The following ANXA13 variants were observed in gnomAD, a reference collection of about 807,000 sequenced individuals.
ANXA13 encodes annexin A13.
A neutral mutation model predicts 46.6 loss-of-function variants in ANXA13; 36 were observed. The observed-to-expected ratio is 0.77, with a 90% confidence interval of 0.59 to 1.02. The LOEUF is 1.02. Among genes scored for constraint, ANXA13 ranks in the 50% least tolerant of loss-of-function variants. The pLI is 0.00. For synonymous variants in ANXA13, 163 were observed against 152.9 expected, an observed-to-expected ratio of 1.07 and a Z score of -0.49; for missense variants, 417 against 396.5, an observed-to-expected ratio of 1.05 and a Z score of -0.44.
intron 10 of ANXA13, among the ~76,000 whole-genome samples, chr8:123,682,952 C>T (rs548066871): frequency 1.3e-5 from 2 of 152,298 alleles, no homozygotes; most frequent in South Asian, 4.1e-4. Flanking sequence ...ACAAGCCCTT[C>T]GGATGGATCC....
chr8:123,699,430 C>A (rs940524218), intron 3 of ANXA13, among the ~76,000 whole-genome samples: 4 of 152,240 alleles, frequency 2.6e-5, no homozygotes, highest in Non-Finnish European at 5.9e-5. Flanking sequence ...CGATCCTCCA[C>A]CTCAGCCTCT....
chr8:123,700,901 A>T (rs2129865107), intron 3 of ANXA13, among the ~76,000 whole-genome samples: 1 of 151,582 alleles, frequency 6.6e-6, no homozygotes, highest in African/African-American at 2.4e-5. Flanking sequence ...CGGCTCACTG[A>T]GGCCTCAACT....
In ANXA13 at chr8:123,690,884, T is replaced by C. The variant is rs1186735360; in HGVS notation, c.643-1938A>G. Among the ~76,000 whole-genome samples the C allele has an allele frequency of 1.3e-5, 2 of 152,108 alleles. No homozygotes were observed. Among genetic ancestry groups the C allele is most frequent in the East Asian group, 1.9e-4 (1 of 5,188 alleles). On this transcript the variant is annotated intron_variant, in intron 8 of 10. Transcript: ENST00000419625. This position sits in a 1 kb window ranked among gnomAD's most constrained non-coding sequence, Gnocchi z 4.6. The stretch of plus-strand genomic sequence containing the variant: ...AGCCTCTGGCGTGGAATAAGGAACA[T>C]GTACAGGGGAGGGGCAAAGGGTGAG...
At chr8:123,723,235 C>T (rs151246320) in intron 1 of ANXA13, among the ~76,000 whole-genome samples, 2,132 of 152,322 alleles carry the variant, frequency 0.014, 27 homozygotes, top group South Asian at 0.034. Context: ...CCTGCAACTT[C>T]CTGAGTCCTC....
Position 123,698,435 on chromosome 8 carries a change from G to C in ANXA13, c.311C>G (p.Thr104Arg). 6.2e-7 allele frequency: 1 copy of C among 1,614,214 alleles called. No homozygotes were observed. The highest frequency in any genetic ancestry group is 8.5e-7 in the Non-Finnish European group (1 of 1,180,026). Residue 104 changes from threonine (T) to arginine (R), a missense_variant, in exon 4 of 11, where the codon ACA (threonine) becomes AGA (arginine). Transcript: ENST00000419625. ...GACCTCAATGAGGACGGACTCATCT[G>C]TGCCCAGACCCTTCATAGCCTTCTG... The part of the protein sequence containing the change: ...QLQKAMKGLG[T>R]DESVLIEVLC...
intron 2 of ANXA13, chr8:123,712,298 A>G (rs1813674664): frequency 4.3e-6 from 1 of 231,536 alleles, no homozygotes; most frequent in Non-Finnish European, 8.7e-6. Flanking sequence ...CTCCTCAGCC[A>G]TGTGGAACTG....
intron 8 of ANXA13, among the ~76,000 whole-genome samples, chr8:123,689,495 A>T (rs1355504170): frequency 1.3e-5 from 2 of 152,058 alleles, no homozygotes; most frequent in Non-Finnish European, 2.9e-5. Context: ...ACTTGATCTA[A>T]AGTTCCTGAG....
At chr8:123,720,152 G>T (rs2129917453) in intron 1 of ANXA13, among the ~76,000 whole-genome samples, 1 of 152,310 alleles carries the variant, frequency 6.6e-6, no homozygotes, top group East Asian at 1.9e-4. Flanking sequence ...GACAATGGTT[G>T]CTTAGTATCT....
intron 2 of ANXA13, among the ~76,000 whole-genome samples, chr8:123,705,180 G>C (rs1813517535): frequency 6.6e-6 from 1 of 152,134 alleles, no homozygotes; most frequent in African/African-American, 2.4e-5. Flanking sequence ...TCTCACCTAT[G>C]AGACAACTCT....
intron 2 of ANXA13, among the ~76,000 whole-genome samples, chr8:123,709,038 G>T (rs1813601688): frequency 1.3e-5 from 2 of 152,228 alleles, no homozygotes; most frequent in South Asian, 4.1e-4. Flanking sequence ...CATGTTCACG[G>T]GTTCTGGGGG....
chr8:123,699,077 G>A (rs1174220841), intron 3 of ANXA13, among the ~76,000 whole-genome samples: 1 of 152,196 alleles, frequency 6.6e-6, no homozygotes, highest in Non-Finnish European at 1.5e-5. Flanking sequence ...GAAGAACGAC[G>A]GCCTGTACCG....
At chr8:123,724,421 G>T (rs1365595986) in intron 1 of ANXA13, among the ~76,000 whole-genome samples, 2 of 152,156 alleles carry the variant, frequency 1.3e-5, no homozygotes, top group Non-Finnish European at 2.9e-5. Flanking sequence ...GATATATCAG[G>T]TATAAATATT....
At chr8:123,681,619 CTTTTTTTTTT>C (rs5894670) in intron 10 of ANXA13, among the ~76,000 whole-genome samples, 3 of 107,038 alleles carry the variant, frequency 2.8e-5, no homozygotes, top group African/African-American at 7.6e-5. Flanking sequence ...TCTTGAATTT[CTTTTTTTTTT>C]TTTTTTTTTT....
At chr8:123,733,768 G>T (rs1168783731) in intron 1 of ANXA13, among the ~76,000 whole-genome samples, 1 of 152,118 alleles carries the variant, frequency 6.6e-6, no homozygotes, top group Non-Finnish European at 1.5e-5. Context: ...AGCCACCTGG[G>T]GAGCACTTAC....
chr8:123,700,308 A>C (rs1813418876), intron 3 of ANXA13, among the ~76,000 whole-genome samples: 1 of 152,244 alleles, frequency 6.6e-6, no homozygotes, highest in Non-Finnish European at 1.5e-5. Flanking sequence ...ACAGGCATAA[A>C]AACAAATCCT....
chr8:123,714,778 GACATTGTTGTACA>G (rs1303981609), intron 1 of ANXA13, among the ~76,000 whole-genome samples: 1 of 152,206 alleles, frequency 6.6e-6, no homozygotes, highest in African/African-American at 2.4e-5. Context: ...AAAGGGGACT[GACATTGTTGTACA>G]CCTGCTGTGT....
intron 1 of ANXA13, among the ~76,000 whole-genome samples, chr8:123,735,127 A>AAC (rs1554596673): frequency 1.3e-5 from 2 of 151,700 alleles, no homozygotes; most frequent in African/African-American, 4.9e-5. Flanking sequence ...AAAAAAAAAA[A>AAC]AAACAAACCC....
At chr8:123,698,356 T>G in intron 4 of ANXA13, 33 bp downstream of exon 4, 1 of 1,608,906 alleles carries the variant, frequency 6.2e-7, no homozygotes, top group Non-Finnish European at 8.5e-7. Flanking sequence ...ATTGGGTGTG[T>G]GATGCTCCCT....
In ANXA13 at chr8:123,680,908, T is replaced by C; in HGVS notation, c.*332A>G. The C allele has an allele frequency of 4.6e-6, 1 of 216,928 alleles. No individual in the cohort carries two copies. The highest frequency in any genetic ancestry group is 9.2e-6 in the Non-Finnish European group (1 of 109,198). 13.4% of individuals were successfully genotyped at this position (216,928 alleles called of 1,614,324 possible). Reference sequence around the variant, plus strand: ...TCCTGTACCTTACTTGTGTGATGCATATCCTTCTAAATGTGCCATTACAAA... The same window carrying C: ...TCCTGTACCTTACTTGTGTGATGCACATCCTTCTAAATGTGCCATTACAAA... On this transcript the variant is annotated 3_prime_UTR_variant, in exon 11 of 11. Transcript: ENST00000419625.
Sources: allele counts gnomAD v4.1 joint callset (sites outside exome capture counted in the v4.1 genomes callset), GRCh38; gene constraint gnomAD v4.1.1; non-coding constraint Gnocchi (gnomAD v3.1); transcripts MANE v1.5; gene names NCBI Gene and HGNC (gene_info 2026-07-23, HGNC 2026-07-21).